Variants in CFH observed in about 807,000 individuals in gnomAD.
The protein encoded by CFH is H factor 1 (complement).
CFH carries 53 observed loss-of-function variants against 147.3 expected under a neutral mutation model. The ratio of observed to expected loss-of-function variants is 0.36; its 90% confidence interval spans 0.29 to 0.45. The LOEUF (loss-of-function observed/expected upper bound fraction) is 0.45, where lower values mean the gene tolerates loss of function less well. Ranked by LOEUF, CFH falls within the 20% of genes least tolerant of loss-of-function variation. The pLI, the probability that CFH is intolerant of heterozygous loss-of-function variation, is 1.00. For synonymous variants in CFH, 536 were observed against 489.4 expected (o/e 1.10, Z -1.26); for missense variants, 1,380 against 1,498.0 (o/e 0.92, Z 1.30).
At chr1:196,720,859 T>C (rs185251407) in intron 11 of CFH, among the ~76,000 whole-genome samples, 1 of 152,086 alleles carries the variant, frequency 6.6e-6, no homozygotes, top group African/African-American at 2.4e-5. Context: ...GTTCTGTTTT[T>C]AGTTCTTTGG....
At chr1:196,692,806 CTT>C (rs1558163780) in intron 9 of CFH, among the ~76,000 whole-genome samples, 15 of 56,392 alleles carry the variant, frequency 2.7e-4, no homozygotes, top group South Asian at 6.6e-4. Flanking sequence ...TTCTTTCTTT[CTT>C]TCTTTCTTTC....
At chr1:196,744,376 G>C (rs1333651726) in intron 20 of CFH, among the ~76,000 whole-genome samples, 1 of 151,960 alleles carries the variant, frequency 6.6e-6, no homozygotes, top group East Asian at 1.9e-4. Flanking sequence ...GTTTCTGCCT[G>C]TTTCCTCTGG....
chr1:196,742,441 G>C (rs1486037371), intron 19 of CFH, among the ~76,000 whole-genome samples: 1 of 151,988 alleles, frequency 6.6e-6, no homozygotes, highest in Non-Finnish European at 1.5e-5. Flanking sequence ...GAGTGTTTTG[G>C]GAATAAAATA....
chr1:196,728,194 A>G, intron 14 of CFH, 152 bp from the exon 15 acceptor site: 1 of 541,506 alleles, frequency 1.8e-6, no homozygotes, highest in Non-Finnish European at 3.0e-6. Flanking sequence ...ATTTTGATGC[A>G]ATGTGATCAG....
At chr1:196,654,530 G>A (rs1235249132) in intron 1 of CFH, among the ~76,000 whole-genome samples, 2 of 152,004 alleles carry the variant, frequency 1.3e-5, no homozygotes, top group Non-Finnish European at 1.5e-5. Context: ...TTTCTCAATC[G>A]TACCACCTAA....
intron 9 of CFH, among the ~76,000 whole-genome samples, chr1:196,712,260 A>T (rs2149101282): frequency 6.6e-6 from 1 of 151,614 alleles, no homozygotes; most frequent in African/African-American, 2.4e-5. Context: ...TACCTTTTTA[A>T]ATTGTCTGTA....
chr1:196,661,528 T>A (rs1666905086), intron 1 of CFH, among the ~76,000 whole-genome samples: 1 of 152,214 alleles, frequency 6.6e-6, no homozygotes, highest in Non-Finnish European at 1.5e-5. Flanking sequence ...GCCTTTTGGC[T>A]GTGTCCTCCA....
chr1:196,747,493 C>G lies in CFH; in HGVS notation c.*180C>G. On this transcript the variant is annotated 3_prime_UTR_variant, in exon 22 of 22. Transcript: ENST00000367429. ...CTTCTTAAAAGCACCATATTAAATCCTGGAAAACTAACGGTTGTGTCCAGT... is the reference window on the plus strand; with the variant it reads ...CTTCTTAAAAGCACCATATTAAATCGTGGAAAACTAACGGTTGTGTCCAGT... 1.2e-6 allele frequency: 1 copy of G among 861,804 alleles called. No homozygotes were observed. Among genetic ancestry groups the G allele is most frequent in the Non-Finnish European group, 1.8e-6 (1 of 550,742 alleles). The allele number at this position is 861,804 out of a possible 1,614,324, so 53.4% of individuals were successfully genotyped here.
At chr1:196,734,667 G>C (rs1039199422) in intron 15 of CFH, among the ~76,000 whole-genome samples, 28 of 152,022 alleles carry the variant, frequency 1.8e-4, no homozygotes, top group African/African-American at 5.1e-4. Context: ...GTGGGGGGAA[G>C]GGAGAGTGGT....
chr1:196,666,420 A>G (rs1450192037), intron 1 of CFH, among the ~76,000 whole-genome samples: 2 of 152,066 alleles, frequency 1.3e-5, no homozygotes, highest in South Asian at 4.1e-4. Context: ...ATTTTAACAT[A>G]TATTTCCATT....
At chr1:196,701,759 G>A (rs866515474) in intron 9 of CFH, among the ~76,000 whole-genome samples, 3 of 152,062 alleles carry the variant, frequency 2.0e-5, no homozygotes, top group Middle Eastern at 3.2e-3. Context: ...ATGAACTAAG[G>A]GCTGTCCCTT....
chr1:196,708,613 GA>G (rs11398897), intron 9 of CFH, among the ~76,000 whole-genome samples: 2 of 151,850 alleles, frequency 1.3e-5, no homozygotes, highest in African/African-American at 4.8e-5. Context: ...TATTCCCCAT[GA>G]AAAAATCCAT....
intron 9 of CFH, among the ~76,000 whole-genome samples, chr1:196,692,594 TCTTC>T (rs1389769626): frequency 2.3e-4 from 19 of 82,928 alleles, no homozygotes; most frequent in African/African-American, 7.8e-4. Context: ...TCTTTCCTTC[TCTTC>T]CTTCTTTCTT....
intron 11 of CFH, among the ~76,000 whole-genome samples, chr1:196,721,161 T>C (rs993276102): frequency 8.5e-5 from 13 of 152,096 alleles, no homozygotes; most frequent in African/African-American, 2.6e-4. Context: ...TATTTTTTTT[T>C]CTTGTTGTGT....
At chr1:196,702,476 A>G (rs1476698642) in intron 9 of CFH, among the ~76,000 whole-genome samples, 2 of 151,510 alleles carry the variant, frequency 1.3e-5, no homozygotes, top group Non-Finnish European at 2.9e-5. Context: ...GAAAAATAAT[A>G]TGCCTATTTA....
At chr1:196,729,799 C>G (rs890968965) in intron 15 of CFH, among the ~76,000 whole-genome samples, 2 of 151,818 alleles carry the variant, frequency 1.3e-5, no homozygotes, top group African/African-American at 4.8e-5. Flanking sequence ...TTTCTATTTC[C>G]TCTGAATTAA....
chr1:196,712,346 G>T (rs1382979809), intron 9 of CFH, among the ~76,000 whole-genome samples: 1 of 150,950 alleles, frequency 6.6e-6, no homozygotes, highest in African/African-American at 2.4e-5. Flanking sequence ...ATTTTGTCTG[G>T]TTTCTTTGTT....
intron 3 of CFH, 66 bp from the exon 4 acceptor site, chr1:196,675,923 G>T (rs1208385543): frequency 1.0e-6 from 1 of 967,064 alleles, no homozygotes; most frequent in Non-Finnish European, 1.7e-6. Flanking sequence ...ACTCAGAATG[G>T]CATCGAGTTT....
At chr1:196,697,166 A>C (rs1024076153) in intron 9 of CFH, among the ~76,000 whole-genome samples, 4 of 152,226 alleles carry the variant, frequency 2.6e-5, no homozygotes, top group African/African-American at 7.2e-5. Context: ...GGATCTAATT[A>C]AACTAAAGAG....
Sources: gnomAD v4.1 joint callset for allele counts (sites outside exome capture counted in the v4.1 genomes callset) on GRCh38, gnomAD v4.1.1 for gene constraint, MANE v1.5 for transcripts, NCBI Gene and HGNC (gene_info 2026-07-23, HGNC 2026-07-21) for gene names.